Variants in ZNF571 observed in about 807,000 individuals in gnomAD.
ZNF571 encodes the protein zinc finger protein 571.
In ZNF571, 4 loss-of-function variants were observed where a neutral mutation model predicts 7.7. The observed-to-expected ratio is 0.52, with a 90% confidence interval of 0.25 to 1.18. ZNF571 has a LOEUF of 1.18. Among genes scored for constraint, ZNF571 ranks in the 50% most tolerant of loss-of-function variants. The probability of loss-of-function intolerance (pLI) is 0.14; values close to 1 mark genes in which losing one functional copy is unlikely to be tolerated. For synonymous variants in ZNF571, 251 were observed against 232.4 expected (o/e 1.08, Z -0.73); for missense variants, 704 against 726.9 (o/e 0.97, Z 0.36).
intron 3 of ZNF571, among the ~76,000 whole-genome samples, chr19:37,578,001 G>A (rs2043303265): frequency 6.6e-6 from 1 of 152,252 alleles, no homozygotes; most frequent in Admixed American, 6.5e-5. Flanking sequence ...TCAGATCAGC[G>A]GCAGCTTGAG....
At chr19:37,566,833 C>A (rs1382001828) in intron 3 of ZNF571, among the ~76,000 whole-genome samples, 1 of 152,126 alleles carries the variant, frequency 6.6e-6, no homozygotes, top group Admixed American at 6.6e-5. Flanking sequence ...TAAAAATCTT[C>A]CCTATTAATG....
At chr19:37,592,705 G>C (rs1600546647) in intron 1 of ZNF571, among the ~76,000 whole-genome samples, 1 of 152,230 alleles carries the variant, frequency 6.6e-6, no homozygotes, top group African/African-American at 2.4e-5. Flanking sequence ...AATTAAAGGT[G>C]ATTTAGGGAA....
intron 2 of ZNF571, chr19:37,585,024 A>G (rs1259036167): frequency 2.0e-5 from 3 of 151,802 alleles, no homozygotes; most frequent in Non-Finnish European, 4.4e-5. Flanking sequence ...CTTAGAATCT[A>G]TAATTCTTGA....
At chr19:37,574,919 T>C (rs1029615052) in intron 3 of ZNF571, among the ~76,000 whole-genome samples, 4 of 152,212 alleles carry the variant, frequency 2.6e-5, no homozygotes, top group Admixed American at 6.5e-5. Context: ...AATGCTGTTA[T>C]ACCTACAGAA....
intron 3 of ZNF571, among the ~76,000 whole-genome samples, chr19:37,578,030 AC>A (rs1394353244): frequency 6.6e-6 from 1 of 152,146 alleles, no homozygotes; most frequent in African/African-American, 2.4e-5. Flanking sequence ...AGGAGCTCGA[AC>A]CCTATAGTAA....
chr19:37,593,496 G>A (rs1050863471), intron 1 of ZNF571, among the ~76,000 whole-genome samples: 1 of 152,170 alleles, frequency 6.6e-6, no homozygotes, highest in African/African-American at 2.4e-5. Context: ...GAGGTCAGGA[G>A]ATCGAGACCA....
intron 2 of ZNF571, 113 bp from the exon 3 acceptor site, chr19:37,584,210 T>C (rs948508750): frequency 6.6e-6 from 10 of 1,511,904 alleles, no homozygotes; most frequent in South Asian, 3.7e-5. Flanking sequence ...CAACAGGAAA[T>C]TGGTTGCCTA....
intron 3 of ZNF571, chr19:37,575,945 A>G (rs2043228019): frequency 6.6e-6 from 1 of 152,146 alleles, no homozygotes; most frequent in Non-Finnish European, 1.5e-5. Flanking sequence ...CACAATCTCA[A>G]GCTATTGTAG....
intron 3 of ZNF571, among the ~76,000 whole-genome samples, chr19:37,571,457 C>T (rs909623344): frequency 1.3e-5 from 2 of 152,164 alleles, no homozygotes; most frequent in African/African-American, 2.4e-5. Context: ...GATCACACCA[C>T]TGCACTCCAG....
intron 3 of ZNF571, among the ~76,000 whole-genome samples, chr19:37,580,272 T>C (rs2043406250): frequency 6.6e-6 from 1 of 152,236 alleles, no homozygotes; most frequent in South Asian, 2.1e-4. Flanking sequence ...TCAATCCTCA[T>C]GATATATACT....
In ZNF571 at chr19:37,569,125, G is replaced by T. The variant is rs1244903114; in HGVS notation, c.137-2834C>A. 1.3e-5 allele frequency among the ~76,000 whole-genome samples: 2 copies of T among 151,998 alleles called. No individual in the cohort carries two copies. Among genetic ancestry groups the T allele is most frequent in the African/African-American group, 2.4e-5 (1 of 41,382 alleles). ...GCACCACCATGCCTGGCTCATTTTT[G>T]TATTTTTAGTAGAGATAGGCCTTCA... On this transcript the variant is annotated intron_variant, in intron 3 of 3. Coordinates refer to ENST00000451802, the MANE Select transcript of ZNF571 (RefSeq NM_016536.5). The surrounding 1 kb of genome is among the most constrained non-coding windows in gnomAD (Gnocchi z 4.4).
intron 3 of ZNF571, among the ~76,000 whole-genome samples, chr19:37,578,027 C>G (rs2043304652): frequency 1.3e-5 from 2 of 152,132 alleles, no homozygotes; most frequent in Non-Finnish European, 1.5e-5. Context: ...CATAGGAGCT[C>G]GAACCCTATA....
Position 37,583,953 on chromosome 19 carries a change from T to TA in ZNF571, c.136+17dup, listed in dbSNP as rs1427416328. ...ATTATGGGGAACAAATTCTGAATAT[T>TA]ACGTAGGATGATCTTACCCAATGAG... On this transcript the variant is annotated intron_variant, in intron 3 of 3. Transcript: ENST00000451802. 4 of 1,582,346 alleles carry TA rather than the reference T, an allele frequency of 2.5e-6. No homozygotes were observed. The highest frequency in any genetic ancestry group is 1.8e-5 in the Admixed American group (1 of 54,882).
intron 1 of ZNF571, among the ~76,000 whole-genome samples, chr19:37,590,128 G>A (rs1011587827): frequency 1.7e-5 from 1 of 58,220 alleles, no homozygotes; most frequent in Non-Finnish European, 3.4e-5. Flanking sequence ...TAAGGAGCTG[G>A]GCATGCGGTG....
intron 3 of ZNF571, among the ~76,000 whole-genome samples, chr19:37,566,831 T>C (rs1367942165): frequency 6.6e-6 from 1 of 152,180 alleles, no homozygotes; most frequent in Non-Finnish European, 1.5e-5. Context: ...GCTAAAAATC[T>C]TCCCTATTAA....
chr19:37,591,699 C>T (rs2043872972), intron 1 of ZNF571, among the ~76,000 whole-genome samples: 1 of 152,070 alleles, frequency 6.6e-6, no homozygotes, highest in East Asian at 1.9e-4. Context: ...AATGTGCCAC[C>T]ATGCCCAGCT....
chr19:37,582,135 C>G (rs1007043671), intron 3 of ZNF571, among the ~76,000 whole-genome samples: 5 of 152,106 alleles, frequency 3.3e-5, no homozygotes, highest in Admixed American at 1.3e-4. Context: ...TCAACAGTGC[C>G]TGGTGAGTTA....
rs1417185652 is a variant in ZNF571, at chr19:37,564,337, C to T, written c.*261G>A. 3.2e-6 allele frequency: 1 copy of T among 313,338 alleles called. No individual in the cohort carries two copies. Among genetic ancestry groups the T allele is most frequent in the African/African-American group, 2.1e-5 (1 of 46,712 alleles). The allele number at this position is 313,338 out of a possible 1,614,324, so 19.4% of individuals were successfully genotyped here. ...AGTATTTTACAAATAGAAAAGAACA[C>T]ACAAGAAATATATAGGATTTCAGTT... is the stretch of plus-strand genomic sequence containing the variant. On this transcript the variant is annotated 3_prime_UTR_variant, in exon 4 of 4. Transcript: ENST00000451802.
At chr19:37,577,236 T>G (rs1317045366) in intron 3 of ZNF571, among the ~76,000 whole-genome samples, 1 of 152,028 alleles carries the variant, frequency 6.6e-6, no homozygotes, top group Non-Finnish European at 1.5e-5. Flanking sequence ...ATATCCAAAT[T>G]TATAATTAAC....
Sources: allele counts gnomAD v4.1 joint callset (sites outside exome capture counted in the v4.1 genomes callset), GRCh38; gene constraint gnomAD v4.1.1; non-coding constraint Gnocchi (gnomAD v3.1); transcripts MANE v1.5; gene names NCBI Gene and HGNC (gene_info 2026-07-23, HGNC 2026-07-21).